The following ELOA variants were observed in gnomAD, a reference collection of about 807,000 sequenced individuals.
ELOA encodes the protein elongin A, also known as elongin-A.
Under a neutral mutation model 85.2 loss-of-function variants are expected in ELOA, and 15 were observed. That is an observed-to-expected ratio of 0.18 (90% CI 0.12 to 0.27). The LOEUF is 0.27. Ranked by LOEUF, ELOA falls within the 10% of genes least tolerant of loss-of-function variation. ELOA has a pLI of 1.00. For missense variants in ELOA, 769 were observed against 952.7 expected (o/e 0.81, Z 2.54); for synonymous variants, 348 against 357.2 (o/e 0.97, Z 0.29).
Position 23,751,286 on chromosome 1 carries a change from A to G in ELOA, c.681A>G (p.Glu227=). 1.2e-6 allele frequency: 2 copies of G among 1,614,230 alleles called. No individual in the cohort carries two copies. Among genetic ancestry groups the G allele is most frequent in the East Asian group, 2.2e-5 (1 of 44,878 alleles). The change falls in exon 4 of 11, where the codon GAA becomes GAG. Residue 227 remains glutamate (E), a synonymous_variant. Coordinates refer to ENST00000613537, the MANE Select transcript of ELOA (RefSeq NM_003198.3). ...AFQDRLGASQ[E]RHLGEPHGKG... The stretch of plus-strand genomic sequence containing the variant: ...AGGACAGACTCGGGGCCAGCCAAGA[A>G]CGACACCTGGGTGAACCCCATGGGA...
chr1:23,757,617 G>A (rs1644800671), intron 10 of ELOA, among the ~76,000 whole-genome samples: 1 of 152,016 alleles, frequency 6.6e-6, no homozygotes, highest in Non-Finnish European at 1.5e-5. Context: ...TCCTGCCTCA[G>A]CCTCCCAAGT....
chr1:23,755,117 T>A (rs1452284251), intron 7 of ELOA, among the ~76,000 whole-genome samples: 3 of 152,124 alleles, frequency 2.0e-5, no homozygotes, highest in Non-Finnish European at 2.9e-5. Flanking sequence ...AGAGATGGAC[T>A]CTCAGACTCT....
In ELOA at chr1:23,756,280, A is replaced by G. The variant is rs1333346847; in HGVS notation, c.1979A>G (p.Gln660Arg). ...FAHANKPKGR[Q>R]AKMAFVNSVA... ...CATCTCCATAATTCCACAGGCCGAC[A>G]AGCAAAGATGGCCTTTGTCAACTCT... The change falls in exon 9 of 11, where the codon CAA becomes CGA. Residue 660 changes from glutamine (Q) to arginine (R), a missense_variant. Coordinates refer to ENST00000613537, the MANE Select transcript of ELOA (RefSeq NM_003198.3). 1 of 1,558,486 alleles carries G rather than the reference A, an allele frequency of 6.4e-7. No homozygotes were observed. Among genetic ancestry groups the G allele is most frequent in the Non-Finnish European group, 8.7e-7 (1 of 1,151,514 alleles).
chr1:23,754,132 G>A lies in ELOA; in HGVS notation c.1570G>A (p.Gly524Arg). 3 of 1,614,148 alleles carry A rather than the reference G, an allele frequency of 1.9e-6. No individual in the cohort carries two copies. The highest frequency in any genetic ancestry group is 2.5e-6 in the Non-Finnish European group (3 of 1,180,030). Residue 524 changes from glycine (G) to arginine (R), a missense_variant, in exon 6 of 11, where the codon GGA (glycine) becomes AGA (arginine). This residue lies in a region of ELOA where 193 missense variants were observed against 278.9 expected (regional missense o/e 0.69). Transcript: ENST00000613537. ...FSSPQEEEEA[G>R]FTGRRMNSKM... is the part of the protein sequence containing the mutation. The stretch of plus-strand genomic sequence containing the variant: ...TTCACCCCAGGAAGAAGAAGAAGCT[G>A]GATTTACTGGGCGCAGAATGAATTC...
At position 23,755,830 on chromosome 1, in the gene ELOA, G is replaced by T. The variant is rs893849256; in HGVS notation, c.1792-13G>T. The T allele has an allele frequency of 2.5e-6, 4 of 1,584,912 alleles. No individual in the cohort carries two copies. The highest frequency in any genetic ancestry group is 2.2e-5 in the East Asian group (1 of 44,566). On this transcript the variant is annotated splice_polypyrimidine_tract_variant and intron_variant, in intron 7 of 10. Coordinates refer to ENST00000613537, the MANE Select transcript of ELOA (RefSeq NM_003198.3). The stretch of plus-strand genomic sequence containing the variant: ...GTGCTTGTACACAAATGATGTCCTG[G>T]TTCTGGTTTCAGGTATTAATTGAAG...
rs939529796 is a variant in ELOA at position 23,743,491 on chromosome 1, G to T, written c.-13G>T. 1 of 1,504,562 alleles carries T rather than the reference G, an allele frequency of 6.6e-7. No individual in the cohort carries two copies. The highest frequency in any genetic ancestry group is 1.4e-5 in the African/African-American group (1 of 69,338). 93.2% of individuals were successfully genotyped at this position (1,504,562 alleles called of 1,614,324 possible). Reference sequence around the variant, plus strand: ...AGCCCAGTTCCGGCGAGGAGGCCGCGCCAGTGACAGCGATGGCGGCGGAGT... The same window carrying T: ...AGCCCAGTTCCGGCGAGGAGGCCGCTCCAGTGACAGCGATGGCGGCGGAGT... On this transcript the variant is annotated 5_prime_UTR_variant, in exon 1 of 11. Coordinates refer to ENST00000613537, the MANE Select transcript of ELOA (RefSeq NM_003198.3).
intron 10 of ELOA, among the ~76,000 whole-genome samples, chr1:23,759,145 A>G (rs559388864): frequency 1.3e-4 from 20 of 152,342 alleles, no homozygotes; most frequent in African/African-American, 3.6e-4. Flanking sequence ...GATTGTGCCA[A>G]TGCACCCTAG....
At position 23,743,471 on chromosome 1, in the gene ELOA, A is replaced by G. The variant is rs1293743179; in HGVS notation, c.-33A>G. 2 of 1,500,430 alleles carry G rather than the reference A, an allele frequency of 1.3e-6. No homozygotes were observed. The highest frequency in any genetic ancestry group is 1.8e-6 in the Non-Finnish European group (2 of 1,130,874). The allele number at this position is 1,500,430 out of a possible 1,614,324, so 92.9% of individuals were successfully genotyped here. On this transcript the variant is annotated 5_prime_UTR_variant, in exon 1 of 11. Transcript: ENST00000613537. Reference sequence around the variant, plus strand: ...CGGCCCGAGGACGCGACGCGAGCCCAGTTCCGGCGAGGAGGCCGCGCCAGT... The same window carrying G: ...CGGCCCGAGGACGCGACGCGAGCCCGGTTCCGGCGAGGAGGCCGCGCCAGT...
At position 23,749,952 on chromosome 1, in the gene ELOA, A is replaced by T; in HGVS notation, c.239+4A>T. On this transcript the variant is annotated splice_donor_region_variant and intron_variant, in intron 3 of 10. Transcript: ENST00000613537. ...AGAAGCTGGTTCCTGTGGAACGGTA[A>T]GAACATTTCTCTTTAGGTTTGTTCA... 6.2e-7 allele frequency: 1 copy of T among 1,610,456 alleles called. No individual in the cohort carries two copies. Among genetic ancestry groups the T allele is most frequent in the Non-Finnish European group, 8.5e-7 (1 of 1,177,480 alleles).
At chr1:23,759,367 G>T in intron 10 of ELOA, 145 bp from the exon 11 acceptor site, 4 of 748,874 alleles carry the variant, frequency 5.3e-6, no homozygotes, top group Non-Finnish European at 9.0e-6. Flanking sequence ...TTATTGCATT[G>T]TGAACAGAGG....
intron 1 of ELOA, among the ~76,000 whole-genome samples, chr1:23,744,822 C>G (rs1644739609): frequency 6.6e-6 from 1 of 151,902 alleles, no homozygotes; most frequent in South Asian, 2.1e-4. Context: ...GGAGGGAGGG[C>G]TAGGGCCGTG....
At chr1:23,750,062 AAAAT>A in intron 3 of ELOA, 114 bp downstream of exon 3, 1 of 763,652 alleles carries the variant, frequency 1.3e-6, no homozygotes. Context: ...TCAATTATAA[AAAAT>A]AATCCATGAT....
intron 10 of ELOA, among the ~76,000 whole-genome samples, chr1:23,757,425 A>C (rs143279539): frequency 2.6e-5 from 4 of 152,272 alleles, no homozygotes; most frequent in African/African-American, 9.6e-5. Context: ...GGACAACATA[A>C]TGAGACCCTC....
intron 1 of ELOA, among the ~76,000 whole-genome samples, chr1:23,747,495 G>T (rs964097856): frequency 6.6e-6 from 1 of 152,226 alleles, no homozygotes; most frequent in Admixed American, 6.5e-5. Context: ...ACACACAATA[G>T]ATGGTATGTG....
In ELOA at chr1:23,756,348, T is replaced by C; in HGVS notation, c.2047T>C (p.Phe683Leu). The C allele has an allele frequency of 6.3e-7, 1 of 1,581,798 alleles. No homozygotes were observed. Among genetic ancestry groups the C allele is most frequent in the Non-Finnish European group, 8.6e-7 (1 of 1,163,592 alleles). The stretch of plus-strand genomic sequence containing the variant: ...TGACGTCCGGAGGAGGCAGGAAAAG[T>C]TTGGAACGGGAGGAGCAGCTGTCCC... ...PRDVRRRQEKFGTGGAAVPEK... is the reference protein window; with the variant it reads ...PRDVRRRQEKLGTGGAAVPEK... The change falls in exon 9 of 11, where the codon TTT becomes CTT. Residue 683 changes from phenylalanine (F) to leucine (L), a missense_variant. Phe to Leu is a conservative substitution (Grantham distance 22). This residue lies in a region of ELOA where 116 missense variants were observed against 141.0 expected (regional missense o/e 0.82). Coordinates refer to ENST00000613537, the MANE Select transcript of ELOA (RefSeq NM_003198.3).
intron 2 of ELOA, 119 bp from the exon 3 acceptor site, chr1:23,749,723 G>T: frequency 1.3e-6 from 1 of 785,256 alleles, no homozygotes; most frequent in Non-Finnish European, 2.0e-6. Context: ...AGATTTGCAG[G>T]GTATGTTGTA....
At position 23,755,866 on chromosome 1, in the gene ELOA, A is replaced by G; in HGVS notation, c.1815A>G (p.Gln605=). The change falls in exon 8 of 11, where the codon CAA becomes CAG. Residue 605 remains glutamine (Q), a synonymous_variant. Transcript: ENST00000613537. ...YNHVLIEETD[Q]LWKVHCHRDF... is the part of the protein sequence containing the mutation. ...AGGTATTAATTGAAGAAACAGATCA[A>G]TTATGGAAAGTTCATTGTCACCGAG... 1.2e-6 allele frequency: 2 copies of G among 1,611,354 alleles called. No homozygotes were observed. Among genetic ancestry groups the G allele is most frequent in the Non-Finnish European group, 1.7e-6 (2 of 1,179,108 alleles).
intron 9 of ELOA, 67 bp downstream of exon 9, chr1:23,756,452 A>C: frequency 7.0e-7 from 1 of 1,419,436 alleles, no homozygotes. Flanking sequence ...TAGCGGCAGG[A>C]AGCAAATTGC....
rs758592939 is a variant in ELOA, at chr1:23,750,838, A to T, written c.240-7A>T. 1.3e-6 allele frequency: 2 copies of T among 1,551,494 alleles called. No individual in the cohort carries two copies. The highest frequency in any genetic ancestry group is 2.1e-5 in the Admixed American group (1 of 46,576). On this transcript the variant is annotated splice_region_variant and splice_polypyrimidine_tract_variant and intron_variant, in intron 3 of 10. Transcript: ENST00000613537. Reference sequence around the variant, plus strand: ...ACCTACTTTGTCTGCTTTTTCTTTTATTTTAGAAATGCTGAGCCTGATGAA... The same window carrying T: ...ACCTACTTTGTCTGCTTTTTCTTTTTTTTTAGAAATGCTGAGCCTGATGAA...
Sources: gnomAD v4.1 joint callset for allele counts (sites outside exome capture counted in the v4.1 genomes callset) on GRCh38, gnomAD v4.1.1 for gene constraint, gnomAD v4.1.1 regional missense constraint, MANE v1.5 for transcripts, NCBI Gene and HGNC (gene_info 2026-07-23, HGNC 2026-07-21) for gene names.